The following DUSP29 variants were observed in gnomAD, a reference collection of about 807,000 sequenced individuals.
DUSP29 encodes the protein dual specificity phosphatase 29.
DUSP29 carries 12 observed loss-of-function variants against 13.5 expected under a neutral mutation model. The ratio of observed to expected loss-of-function variants is 0.89; its 90% CI spans 0.57 to 1.44. DUSP29 has a LOEUF of 1.44. Ranked by LOEUF, DUSP29 falls within the 40% of genes most tolerant of loss-of-function variation. The probability of loss-of-function intolerance (pLI) is 0.00; values close to 1 mark genes in which losing one functional copy is unlikely to be tolerated. For missense variants in DUSP29, 308 were observed against 301.1 expected, an observed-to-expected ratio of 1.02 and a Z score of -0.17; for synonymous variants, 134 against 128.7, an observed-to-expected ratio of 1.04 and a Z score of -0.28.
In DUSP29 at chr10:75,058,437, C is replaced by A; in HGVS notation, c.78G>T (p.Glu26Asp). ...SAKRLSPKME[E>D]EGEEEDYCTP... ...TGCAGTAGTCCTCCTCCTCCCCTTC[C>A]TCCTCCATCTTCGGCGACAGCCTCT... The change falls in exon 2 of 4, where the codon GAG becomes GAT. Residue 26 changes from glutamate to aspartate, a missense_variant. Coordinates refer to ENST00000338487, the MANE Select transcript of DUSP29 (RefSeq NM_001003892.3). The A allele has an allele frequency of 6.2e-7, 1 of 1,614,258 alleles. No homozygotes were observed. The highest frequency in any genetic ancestry group is 8.5e-7 in the Non-Finnish European group (1 of 1,180,048).
intron 2 of DUSP29, 53 bp downstream of exon 2, chr10:75,058,262 C>T (rs1216364467): frequency 5.1e-6 from 8 of 1,575,322 alleles, no homozygotes; most frequent in Non-Finnish European, 6.9e-6. Context: ...CAGGGCGTGG[C>T]CTGGGGAGGG....
chr10:75,060,600 A>G (rs1022675739), intron 1 of DUSP29, among the ~76,000 whole-genome samples: 1 of 152,320 alleles, frequency 6.6e-6, no homozygotes, highest in East Asian at 1.9e-4. Flanking sequence ...TACAAACTAT[A>G]TACTACTGGG....
At chr10:75,048,940 A>G (rs1589860202) in intron 2 of DUSP29, among the ~76,000 whole-genome samples, 2 of 152,340 alleles carry the variant, frequency 1.3e-5, no homozygotes, top group African/African-American at 4.8e-5. Flanking sequence ...TTTGCTAAAT[A>G]GTACCGATTA....
chr10:75,073,422 G>A (rs1243147459), intron 1 of DUSP29, among the ~76,000 whole-genome samples, 147 bp downstream of exon 1: 2 of 152,202 alleles, frequency 1.3e-5, no homozygotes, highest in East Asian at 1.9e-4. Flanking sequence ...AGGACAGCAA[G>A]AAACCTTTCA....
intron 2 of DUSP29, among the ~76,000 whole-genome samples, chr10:75,052,597 G>A (rs1019706398): frequency 4.0e-5 from 6 of 151,756 alleles, no homozygotes; most frequent in Non-Finnish European, 7.4e-5. Context: ...GTGAGCCAAC[G>A]CGCCCGGCCA....
chr10:75,067,934 TC>T, intron 1 of DUSP29, among the ~76,000 whole-genome samples: 1 of 152,230 alleles, frequency 6.6e-6, no homozygotes, highest in Non-Finnish European at 1.5e-5. Flanking sequence ...TGCCTCAGCC[TC>T]CAGGGTAGCT....
intron 2 of DUSP29, among the ~76,000 whole-genome samples, chr10:75,054,749 A>G (rs1232771457): frequency 6.6e-6 from 1 of 152,160 alleles, no homozygotes; most frequent in Non-Finnish European, 1.5e-5. Context: ...CACATTACCC[A>G]ACTTAATCCA....
intron 1 of DUSP29, among the ~76,000 whole-genome samples, chr10:75,072,998 C>A (rs1056285336): frequency 6.6e-6 from 1 of 151,978 alleles, no homozygotes; most frequent in Admixed American, 6.6e-5. Context: ...CAGTCCCACC[C>A]CCCATCTCTA....
chr10:75,070,590 G>A (rs1040374279), intron 1 of DUSP29, among the ~76,000 whole-genome samples: 10 of 152,238 alleles, frequency 6.6e-5, no homozygotes, highest in Admixed American at 1.3e-4. Flanking sequence ...TGGAGGGTGG[G>A]TGGGGAATTC....
intron 2 of DUSP29, among the ~76,000 whole-genome samples, chr10:75,058,109 C>T (rs539971624): frequency 8.5e-5 from 13 of 152,342 alleles, no homozygotes; most frequent in African/African-American, 2.9e-4. Flanking sequence ...TCCCTCTGCA[C>T]TTATATGTGA....
intron 3 of DUSP29, among the ~76,000 whole-genome samples, chr10:75,039,702 C>A (rs1846545512): frequency 6.6e-6 from 1 of 152,198 alleles, no homozygotes; most frequent in African/African-American, 2.4e-5. Context: ...TCAGGAGATG[C>A]TTTCTGCCCA....
At chr10:75,072,233 A>G (rs1025705598) in intron 1 of DUSP29, among the ~76,000 whole-genome samples, 4 of 152,212 alleles carry the variant, frequency 2.6e-5, no homozygotes, top group African/African-American at 7.2e-5. Flanking sequence ...CAAGCCGCCT[A>G]TAGACAGCAA....
chr10:75,069,885 TA>T (rs1232968956), intron 1 of DUSP29, among the ~76,000 whole-genome samples: 2 of 92,868 alleles, frequency 2.2e-5, no homozygotes, highest in Non-Finnish European at 3.6e-5. Flanking sequence ...CTACTAAAAA[TA>T]CAAAAAAAAA....
intron 3 of DUSP29, among the ~76,000 whole-genome samples, chr10:75,042,036 G>T (rs1263046565): frequency 6.6e-6 from 1 of 152,170 alleles, no homozygotes; most frequent in East Asian, 1.9e-4. Context: ...ACTTTACGAT[G>T]ATGATGTGCA....
intron 1 of DUSP29, among the ~76,000 whole-genome samples, chr10:75,060,769 G>A (rs1298909504): frequency 6.6e-6 from 1 of 152,126 alleles, no homozygotes; most frequent in African/African-American, 2.4e-5. Context: ...ATATGCCTTC[G>A]AATAGAAGAG....
intron 2 of DUSP29, among the ~76,000 whole-genome samples, chr10:75,052,949 T>G (rs920043829): frequency 9.9e-5 from 15 of 152,234 alleles, no homozygotes; most frequent in Admixed American, 6.5e-4. Flanking sequence ...AAAAATGGCA[T>G]GTGTCACTTC....
At chr10:75,054,585 A>G (rs1390525390) in intron 2 of DUSP29, among the ~76,000 whole-genome samples, 1 of 152,232 alleles carries the variant, frequency 6.6e-6, no homozygotes, top group East Asian at 1.9e-4. Context: ...GAGGAAATAT[A>G]CCACAATATT....
chr10:75,070,477 C>T (rs1225589749), intron 1 of DUSP29, among the ~76,000 whole-genome samples: 1 of 152,206 alleles, frequency 6.6e-6, no homozygotes, highest in Middle Eastern at 3.2e-3. Flanking sequence ...ATGGGGATAA[C>T]TTGCACCTCA....
intron 2 of DUSP29, among the ~76,000 whole-genome samples, chr10:75,057,907 G>A (rs1373080125): frequency 2.6e-5 from 4 of 152,196 alleles, no homozygotes; most frequent in African/African-American, 7.2e-5. Flanking sequence ...TTCGGAAGAT[G>A]CCCTTCTGCT....
Sources: gnomAD v4.1 joint callset for allele counts (sites outside exome capture counted in the v4.1 genomes callset) on GRCh38, gnomAD v4.1.1 for gene constraint, MANE v1.5 for transcripts, NCBI Gene and HGNC (gene_info 2026-07-23, HGNC 2026-07-21) for gene names.